Variants in PGM2L1 observed in about 807,000 individuals in gnomAD.
PGM2L1 encodes phosphoglucomutase 2 like 1.
A neutral mutation model predicts 73.4 loss-of-function variants in PGM2L1; 35 were observed. The observed-to-expected ratio is 0.48, with a 90% CI of 0.36 to 0.63. The LOEUF is 0.63. Among genes scored for constraint, PGM2L1 ranks in the 30% least tolerant of loss-of-function variants. The probability of loss-of-function intolerance (pLI) is 0.00; values close to 1 mark genes in which losing one functional copy is unlikely to be tolerated. For synonymous variants in PGM2L1, 225 were observed against 253.8 expected, an observed-to-expected ratio of 0.89 and a Z score of 1.08; for missense variants, 570 against 742.0, an observed-to-expected ratio of 0.77 and a Z score of 2.69.
At chr11:74,348,830 T>G (rs1862306723) in intron 6 of PGM2L1, among the ~76,000 whole-genome samples, 1 of 152,202 alleles carries the variant, frequency 6.6e-6, no homozygotes, top group Non-Finnish European at 1.5e-5. Flanking sequence ...ATTTTTTCTG[T>G]AAATAGGCAA....
intron 5 of PGM2L1, among the ~76,000 whole-genome samples, chr11:74,364,522 G>A (rs1306786635): frequency 3.3e-5 from 5 of 152,154 alleles, no homozygotes; most frequent in East Asian, 3.8e-4. Flanking sequence ...AAAGTCTCAG[G>A]ATACAAAATC....
At chr11:74,345,912 T>A (rs1440238028) in intron 8 of PGM2L1, among the ~76,000 whole-genome samples, 1 of 152,132 alleles carries the variant, frequency 6.6e-6, no homozygotes, top group Admixed American at 6.5e-5. Flanking sequence ...GATAAATAAT[T>A]AAGCCTTTCT....
At chr11:74,392,996 G>GTA (rs1167836265) in intron 1 of PGM2L1, among the ~76,000 whole-genome samples, 1 of 152,182 alleles carries the variant, frequency 6.6e-6, no homozygotes, top group Non-Finnish European at 1.5e-5. Context: ...CTTAAAAGCC[G>GTA]TATCTCCTTT....
intron 6 of PGM2L1, among the ~76,000 whole-genome samples, chr11:74,348,113 G>A (rs558533513): frequency 6.6e-6 from 1 of 152,156 alleles, no homozygotes; most frequent in South Asian, 2.1e-4. Flanking sequence ...ATAACGAGGA[G>A]GTGTTCTTTG....
intron 9 of PGM2L1, among the ~76,000 whole-genome samples, chr11:74,345,096 C>T (rs1862242375): frequency 1.3e-5 from 2 of 152,098 alleles, no homozygotes; most frequent in South Asian, 4.1e-4. Flanking sequence ...TTCCTTAAGA[C>T]CATGCTTGAA....
At chr11:74,359,645 A>G (rs1269320742) in intron 5 of PGM2L1, among the ~76,000 whole-genome samples, 1 of 152,136 alleles carries the variant, frequency 6.6e-6, no homozygotes, top group Non-Finnish European at 1.5e-5. Context: ...GACAGTCTGT[A>G]AGACATATTG....
Position 74,374,497 on chromosome 11 carries a change from G to C in PGM2L1, c.197C>G (p.Thr66Ser). The C allele has an allele frequency of 6.2e-7, 1 of 1,614,144 alleles. No homozygotes were observed. Among genetic ancestry groups the C allele is most frequent in the East Asian group, 2.2e-5 (1 of 44,892 alleles). Residue 66 changes from threonine (T) to serine (S), a missense_variant, in exon 2 of 14, where the codon ACT (threonine) becomes AGT (serine). Physicochemically the swap from Thr to Ser is moderately conservative, Grantham distance 58. Transcript: ENST00000298198. ...AGAACGAAGTCCTGCAGTCCCAAAA[G>C]TCATTCGGCAACAAAGACGATCTCG... ...ELRDRLCCRM[T>S]FGTAGLRSAM...
Position 74,334,355 on chromosome 11 carries a change from T to G in PGM2L1, c.*2297A>C, listed in dbSNP as rs1451765338. ...TACCTGTTTTTCATATATACAACAT[T>G]ATACCACTTTGCAGAATATATGCCA... is the stretch of plus-strand genomic sequence containing the variant. On this transcript the variant is annotated 3_prime_UTR_variant, in exon 14 of 14. Transcript: ENST00000298198. 2 of 152,262 alleles carry G rather than the reference T, an allele frequency of 1.3e-5. No homozygotes were observed. The highest frequency in any genetic ancestry group is 4.8e-5 in the African/African-American group (2 of 41,480). 9.4% of individuals were successfully genotyped at this position (152,262 alleles called of 1,614,324 possible).
chr11:74,354,119 A>C (rs1201800841), intron 5 of PGM2L1, among the ~76,000 whole-genome samples: 2 of 152,060 alleles, frequency 1.3e-5, no homozygotes, highest in African/African-American at 4.8e-5. Flanking sequence ...GGGTAAGGCC[A>C]GAAAAACTGC....
At chr11:74,361,832 A>T (rs1261150857) in intron 5 of PGM2L1, among the ~76,000 whole-genome samples, 2 of 151,976 alleles carry the variant, frequency 1.3e-5, no homozygotes, top group African/African-American at 4.9e-5. Context: ...ATGAAGCAAG[A>T]AGAGAAGTTT....
At chr11:74,370,777 C>A in intron 4 of PGM2L1, 125 bp downstream of exon 4, 2 of 611,030 alleles carry the variant, frequency 3.3e-6, no homozygotes, top group Non-Finnish European at 2.5e-6. Flanking sequence ...ATTTGTTTTC[C>A]TTCCATTGGT....
chr11:74,345,395 T>C (rs1370952904), intron 9 of PGM2L1, 74 bp downstream of exon 9: 1 of 1,236,994 alleles, frequency 8.1e-7, no homozygotes, highest in East Asian at 2.4e-5. Flanking sequence ...TGAAAGTCAG[T>C]CTTGGTGGGG....
chr11:74,376,806 A>C (rs1372750772), intron 1 of PGM2L1, among the ~76,000 whole-genome samples: 7 of 152,116 alleles, frequency 4.6e-5, no homozygotes, highest in African/African-American at 7.2e-5. Flanking sequence ...AAAAATAAAA[A>C]TGAATAAAAA....
At chr11:74,371,595 G>A in intron 3 of PGM2L1, 116 bp downstream of exon 3, 1 of 715,564 alleles carries the variant, frequency 1.4e-6, no homozygotes, top group South Asian at 1.8e-5. Context: ...ATTAGCATGT[G>A]ATCACATTTC....
chr11:74,342,135 C>G (rs1446951774), intron 12 of PGM2L1, among the ~76,000 whole-genome samples: 3 of 152,234 alleles, frequency 2.0e-5, no homozygotes, highest in African/African-American at 7.2e-5. Flanking sequence ...ATGACCAGTG[C>G]TTGGAAAACA....
At position 74,342,610 on chromosome 11, in the gene PGM2L1, A is replaced by G; in HGVS notation, c.1483T>C (p.Tyr495His). Residue 495 changes from tyrosine (Y) to histidine (H), a missense_variant, in exon 12 of 14, where the codon TAT (tyrosine) becomes CAT (histidine). Transcript: ENST00000298198. ...HISKTSYFLCYEPPTIKSIFE... is the reference protein window; with the variant it reads ...HISKTSYFLCHEPPTIKSIFE... ...ATACTTTTGATGGTAGGTGGTTCAT[A>G]ACACAAGAAATAGGAAGTTTTTGAA... 6.3e-7 allele frequency: 1 copy of G among 1,596,560 alleles called. No individual in the cohort carries two copies. The highest frequency in any genetic ancestry group is 8.5e-7 in the Non-Finnish European group (1 of 1,171,840).
At chr11:74,382,508 TA>T (rs1862961713) in intron 1 of PGM2L1, among the ~76,000 whole-genome samples, 1 of 152,062 alleles carries the variant, frequency 6.6e-6, no homozygotes, top group Non-Finnish European at 1.5e-5. Flanking sequence ...TTTTTATTTT[TA>T]TTTTTTTGAG....
At chr11:74,338,687 C>T (rs1187191142) in intron 12 of PGM2L1, 86 bp from the exon 13 acceptor site, 6 of 1,433,596 alleles carry the variant, frequency 4.2e-6, no homozygotes, top group Non-Finnish European at 5.6e-6. Context: ...ATATAGTCCA[C>T]TTATATGAGG....
At chr11:74,346,270 C>CAAAAAAAAAAAAAAAAAAAAAAAAAACAA (rs751742460) in intron 8 of PGM2L1, among the ~76,000 whole-genome samples, 1 of 57,882 alleles carries the variant, frequency 1.7e-5, no homozygotes, top group Non-Finnish European at 3.0e-5. Context: ...ACTATGTCTC[C>CAAAAAAAAAAAAAAAAAAAAAAAAAACAA]AAAAAAAAAA....
Sources: gnomAD v4.1 joint callset for allele counts (sites outside exome capture counted in the v4.1 genomes callset) on GRCh38, gnomAD v4.1.1 for gene constraint, MANE v1.5 for transcripts, NCBI Gene and HGNC (gene_info 2026-07-23, HGNC 2026-07-21) for gene names.